PCDHA3: variants seen among roughly 807,000 people sequenced by gnomAD.
PCDHA3 encodes the protein protocadherin alpha-3.
Under a neutral mutation model 62.2 loss-of-function variants are expected in PCDHA3, and 41 were observed. That is an observed-to-expected ratio of 0.66 (90% CI 0.51 to 0.86). The LOEUF is 0.86. Among genes scored for constraint, PCDHA3 ranks in the 40% least tolerant of loss-of-function variants. The pLI, the probability that PCDHA3 is intolerant of heterozygous loss-of-function variation, is 0.00. For synonymous variants in PCDHA3, 640 were observed against 555.4 expected, an observed-to-expected ratio of 1.15 and a Z score of -2.14; for missense variants, 1,304 against 1,241.2, an observed-to-expected ratio of 1.05 and a Z score of -0.76.
intron 1 of PCDHA3, chr5:140,828,396 G>T (rs1769734688): frequency 1.2e-6 from 2 of 1,614,160 alleles, no homozygotes; most frequent in South Asian, 1.1e-5. Context: ...AGCGCGGAGT[G>T]CAGCATCCAC....
chr5:140,841,654 C>T lies in PCDHA3; in HGVS notation c.2394+38063C>T, dbSNP rs1270188852. ...GCATCCACCTGGAGGTGATCGTGGA[C>T]AGGCCGCTGCAGGTTTTCCATGTGG... On this transcript the variant is annotated intron_variant, in intron 1 of 3. Transcript: ENST00000522353. 3 of 1,613,998 alleles carry T rather than the reference C, an allele frequency of 1.9e-6. No homozygotes were observed. In the African/African-American group the frequency reaches 4.0e-5, roughly 22 times the overall value.
At chr5:140,857,991 T>A (rs1554150990) in intron 1 of PCDHA3, 1 of 1,596,560 alleles carries the variant, frequency 6.3e-7, no homozygotes. Context: ...CGCCTACTGG[T>A]GCTGGTGAAG....
intron 1 of PCDHA3, chr5:140,869,639 C>T: frequency 6.2e-7 from 1 of 1,613,534 alleles, no homozygotes; most frequent in Non-Finnish European, 8.5e-7. Context: ...GAGTATTTTT[C>T]TTTAGATTCA....
At chr5:140,844,618 A>G (rs1230516172) in intron 1 of PCDHA3, among the ~76,000 whole-genome samples, 4 of 149,532 alleles carry the variant, frequency 2.7e-5, no homozygotes, top group African/African-American at 9.8e-5. Context: ...AAATGTTTTC[A>G]TCAGAAAAAC....
At chr5:140,903,597 T>C (rs1182384058) in intron 1 of PCDHA3, among the ~76,000 whole-genome samples, 1 of 152,218 alleles carries the variant, frequency 6.6e-6, no homozygotes, top group African/African-American at 2.4e-5. Flanking sequence ...GCCTGATAAA[T>C]GCTTAATACA....
intron 1 of PCDHA3, among the ~76,000 whole-genome samples, chr5:140,879,619 G>C (rs1554170883): frequency 6.6e-6 from 1 of 152,182 alleles, no homozygotes; most frequent in African/African-American, 2.4e-5. Flanking sequence ...CAGGTACTTA[G>C]GTGGGTAAGT....
chr5:140,867,218 C>T (rs1306358108), intron 1 of PCDHA3: 1 of 152,104 alleles, frequency 6.6e-6, no homozygotes, highest in Non-Finnish European at 1.5e-5. Context: ...TCTTCATCCC[C>T]AATTCCCATA....
rs2150313272 is a variant in PCDHA3, at chr5:140,841,310, C to G, written c.2394+37719C>G. 53 of 1,550,820 alleles carry G rather than the reference C, an allele frequency of 3.4e-5. No individual in the cohort carries two copies. In the Middle Eastern group the frequency reaches 5.2e-4, roughly 15 times the overall value. Reference sequence around the variant, plus strand: ...TAAGATAATATTTTCTGATAGGAAACGACTATTTAACATGGATTATCACTG... The same window carrying G: ...TAAGATAATATTTTCTGATAGGAAAGGACTATTTAACATGGATTATCACTG... On this transcript the variant is annotated intron_variant, in intron 1 of 3. Transcript: ENST00000522353.
chr5:140,840,891 T>G (rs921088657), intron 1 of PCDHA3, among the ~76,000 whole-genome samples: 2 of 152,014 alleles, frequency 1.3e-5, no homozygotes, highest in Non-Finnish European at 2.9e-5. Flanking sequence ...CTGATATCCA[T>G]GACATACAGG....
chr5:140,828,597 C>A lies in PCDHA3; in HGVS notation c.2394+25006C>A, dbSNP rs1365615001. 16 of 1,614,084 alleles carry A rather than the reference C, an allele frequency of 9.9e-6. No individual in the cohort carries two copies. Among genetic ancestry groups the A allele is most frequent in the Non-Finnish European group, 1.4e-5 (16 of 1,180,058 alleles). On this transcript the variant is annotated intron_variant, in intron 1 of 3. Coordinates refer to ENST00000522353, the MANE Select transcript of PCDHA3 (RefSeq NM_018906.3). ...GATGTTGGCTCAAATTCCATCTTAACCTATAAACTCAGTTCTAGCGAATAC... is the reference window on the plus strand; with the variant it reads ...GATGTTGGCTCAAATTCCATCTTAAACTATAAACTCAGTTCTAGCGAATAC...
At chr5:140,828,910 G>T (rs2150160654) in intron 1 of PCDHA3, 1 of 1,613,410 alleles carries the variant, frequency 6.2e-7, no homozygotes, top group African/African-American at 1.3e-5. Context: ...ATGAAGGAGC[G>T]AATGGGGCAA....
chr5:140,928,573 A>G (rs1353807568), intron 1 of PCDHA3: 2 of 1,614,110 alleles, frequency 1.2e-6, no homozygotes, highest in African/African-American at 1.3e-5. Context: ...TCCCTTGCCC[A>G]GAAATGGTTC....
rs575540619 is a variant in PCDHA3 at position 140,959,917 on chromosome 5, T to A, written c.2395-19032T>A. ...TTTATATCAGAAAAATCAAAGCCATTTGTAAAGCCCCATTACTTAGGCAGA... is the reference window on the plus strand; with the variant it reads ...TTTATATCAGAAAAATCAAAGCCATATGTAAAGCCCCATTACTTAGGCAGA... On this transcript the variant is annotated intron_variant, in intron 1 of 3. Transcript: ENST00000522353. 3.3e-5 allele frequency among the ~76,000 whole-genome samples: 5 copies of A among 152,296 alleles called. No homozygotes were observed. The East Asian group carries it at 9.6e-4, about 29-fold the overall frequency.
intron 1 of PCDHA3, chr5:140,967,191 A>G (rs781981464): frequency 6.2e-7 from 1 of 1,613,532 alleles, no homozygotes; most frequent in Non-Finnish European, 8.5e-7. Flanking sequence ...TTGGACATCA[A>G]CGACAACTCA....
intron 1 of PCDHA3, chr5:140,969,200 G>C (rs2096305926): frequency 1.2e-6 from 2 of 1,614,132 alleles, no homozygotes; most frequent in Non-Finnish European, 1.7e-6. Flanking sequence ...TTACAATACA[G>C]GGGCCCAGAC....
intron 3 of PCDHA3, among the ~76,000 whole-genome samples, chr5:141,003,556 A>G (rs1183434751): frequency 6.6e-6 from 1 of 152,034 alleles, no homozygotes; most frequent in Non-Finnish European, 1.5e-5. Flanking sequence ...CAAGTGATCC[A>G]CCTGCCTCAG....
intron 3 of PCDHA3, among the ~76,000 whole-genome samples, chr5:140,998,111 T>A (rs1224150326): frequency 1.3e-5 from 2 of 152,108 alleles, no homozygotes; most frequent in African/African-American, 4.8e-5. Flanking sequence ...GAGGAGAAAA[T>A]TTACTTGTGA....
chr5:141,010,618 G>T lies in PCDHA3; in HGVS notation c.*681G>T. The T allele has an allele frequency of 5.2e-6, 1 of 191,706 alleles. No individual in the cohort carries two copies. The highest frequency in any genetic ancestry group is 1.1e-5 in the Non-Finnish European group (1 of 92,168). 11.9% of individuals were successfully genotyped at this position (191,706 alleles called of 1,614,324 possible). ...TGTGACGTCATTATACCTAAAATCT[G>T]CATCATACCTGCAAGCCAACAGTTC... is the stretch of plus-strand genomic sequence containing the variant. On this transcript the variant is annotated 3_prime_UTR_variant, in exon 4 of 4. Coordinates refer to ENST00000522353, the MANE Select transcript of PCDHA3 (RefSeq NM_018906.3).
chr5:140,842,664 T>A lies in PCDHA3; in HGVS notation c.2394+39073T>A. 1.9e-6 allele frequency: 3 copies of A among 1,595,188 alleles called. No homozygotes were observed. In the South Asian group the frequency reaches 3.3e-5, roughly 18 times the overall value. On this transcript the variant is annotated intron_variant, in intron 1 of 3. Transcript: ENST00000522353. The stretch of plus-strand genomic sequence containing the variant: ...AGCTTGTCTGTGGAGGTGGCCGACG[T>A]GAACGACAATGCTCCGGCGTTCGCG...
Sources: gnomAD v4.1 joint callset for allele counts (sites outside exome capture counted in the v4.1 genomes callset) on GRCh38, gnomAD v4.1.1 for gene constraint, MANE v1.5 for transcripts, NCBI Gene and HGNC (gene_info 2026-07-23, HGNC 2026-07-21) for gene names.